The following CRB1 variants were observed in gnomAD, a reference collection of about 807,000 sequenced individuals.
The protein encoded by CRB1 is crumbs cell polarity complex component 1.
Under a neutral mutation model 120.0 loss-of-function variants are expected in CRB1, and 83 were observed. The observed-to-expected ratio is 0.69, with a 90% CI of 0.58 to 0.83. The LOEUF is 0.83. CRB1 is among the 40% of genes least tolerant of loss of function. CRB1 has a pLI of 0.00. For synonymous variants in CRB1, 625 were observed against 612.5 expected (o/e 1.02, Z -0.30); for missense variants, 1,699 against 1,687.6 (o/e 1.01, Z -0.12).
chr1:197,433,428 T>C (rs1030295539), intron 8 of CRB1, among the ~76,000 whole-genome samples: 2 of 152,126 alleles, frequency 1.3e-5, no homozygotes, highest in African/African-American at 4.8e-5. Flanking sequence ...AAGTAGATAA[T>C]TGGCCACTGC....
At chr1:197,324,650 A>G (rs1250771404) in intron 1 of CRB1, among the ~76,000 whole-genome samples, 1 of 152,194 alleles carries the variant, frequency 6.6e-6, no homozygotes, top group Non-Finnish European at 1.5e-5. Flanking sequence ...TGTTATCTTG[A>G]TAAAACTCAT....
At chr1:197,207,211 T>G in the CRB1 span, among the ~76,000 whole-genome samples, 1 of 152,142 alleles carries the variant, frequency 6.6e-6, no homozygotes, top group South Asian at 2.1e-4. Flanking sequence ...CCGTTTACAT[T>G]CAACATTACT....
At chr1:197,448,934 G>T (rs1026328932) in intron 11 of CRB1, among the ~76,000 whole-genome samples, 2 of 152,216 alleles carry the variant, frequency 1.3e-5, no homozygotes, top group African/African-American at 4.8e-5. Flanking sequence ...ATCTTGAGAA[G>T]AAATTATATT....
chr1:197,409,131 A>G (rs1663567387), intron 5 of CRB1, among the ~76,000 whole-genome samples: 1 of 152,182 alleles, frequency 6.6e-6, no homozygotes, highest in East Asian at 1.9e-4. Context: ...GAGAGTGTGT[A>G]TATGTATCTC....
intron 11 of CRB1, among the ~76,000 whole-genome samples, chr1:197,469,317 C>T (rs144233673): frequency 4.8e-4 from 73 of 152,260 alleles, no homozygotes; most frequent in African/African-American, 6.7e-4. Flanking sequence ...CACGTAAGTA[C>T]GGTCATTTTT....
chr1:197,474,612 G>A (rs1295110015), intron 11 of CRB1, among the ~76,000 whole-genome samples: 1 of 152,130 alleles, frequency 6.6e-6, no homozygotes, highest in Admixed American at 6.6e-5. Context: ...TAGCAGATGA[G>A]AGGATCTGGG....
rs558234588 is a variant in CRB1, at chr1:197,405,045, G to GCCCTCTCCCTCTCCCTCT, written c.1172-15939_1172-15922dup. On this transcript the variant is annotated intron_variant, in intron 5 of 11. Transcript: ENST00000367400. Reference sequence around the variant, plus strand: ...TATTGTTAATAATGTGCTCGCCCTCGCCCTCTCCCTCTCCCTCTCCCTCTC... The same window carrying GCCCTCTCCCTCTCCCTCT: ...TATTGTTAATAATGTGCTCGCCCTCGCCCTCTCCCTCTCCCTCTCCCTCTCCCTCTCCCTCTCCCTCTC... Among the ~76,000 whole-genome samples the GCCCTCTCCCTCTCCCTCT allele has an allele frequency of 4.0e-4, 58 of 145,272 alleles. No individual in the cohort carries two copies. The East Asian group carries it at 7.9e-3, about 20-fold the overall frequency.
At chr1:197,288,560 T>G (rs1655971448) in intron 1 of CRB1, among the ~76,000 whole-genome samples, 1 of 151,814 alleles carries the variant, frequency 6.6e-6, no homozygotes, top group Admixed American at 6.6e-5. Context: ...ATGTTAGAAT[T>G]ACCAGATAAG....
chr1:197,227,082 C>A, the CRB1 span, among the ~76,000 whole-genome samples: 1 of 152,096 alleles, frequency 6.6e-6, no homozygotes, highest in Non-Finnish European at 1.5e-5. Context: ...CCATCCTTGA[C>A]CCCTCCAAAT....
At chr1:197,244,669 G>T in the CRB1 span, among the ~76,000 whole-genome samples, 1 of 151,554 alleles carries the variant, frequency 6.6e-6, no homozygotes, top group Admixed American at 6.6e-5. Flanking sequence ...TTTGGTATTT[G>T]TTCACCTTCT....
At chr1:197,285,488 C>T (rs919925839) in intron 1 of CRB1, among the ~76,000 whole-genome samples, 6 of 151,868 alleles carry the variant, frequency 4.0e-5, no homozygotes, top group Non-Finnish European at 7.4e-5. Flanking sequence ...ACTTATAAAG[C>T]CTCTCTGCCT....
chr1:197,463,018 G>A (rs1179578611), intron 11 of CRB1, among the ~76,000 whole-genome samples: 1 of 152,114 alleles, frequency 6.6e-6, no homozygotes, highest in African/African-American at 2.4e-5. Flanking sequence ...CACTGAAACA[G>A]CTACCTTCTT....
intron 5 of CRB1, among the ~76,000 whole-genome samples, chr1:197,385,308 A>G (rs1056782015): frequency 2.6e-5 from 4 of 152,202 alleles, no homozygotes; most frequent in African/African-American, 9.6e-5. Context: ...CCAAAACAAT[A>G]TATCTTTAAA....
At chr1:197,415,716 C>A (rs1430756698) in intron 5 of CRB1, among the ~76,000 whole-genome samples, 2 of 138,120 alleles carry the variant, frequency 1.4e-5, no homozygotes, top group Non-Finnish European at 3.1e-5. Context: ...GATCTCGGCT[C>A]ACTGCGAGCT....
intron 5 of CRB1, among the ~76,000 whole-genome samples, chr1:197,362,151 CTT>C (rs896311592): frequency 4.6e-5 from 7 of 151,840 alleles, no homozygotes; most frequent in African/African-American, 1.5e-4. Flanking sequence ...AAATTTTTCT[CTT>C]GTCTTTCTGT....
At chr1:197,464,979 G>A (rs946339464) in intron 11 of CRB1, among the ~76,000 whole-genome samples, 1 of 152,206 alleles carries the variant, frequency 6.6e-6, no homozygotes, top group African/African-American at 2.4e-5. Context: ...CAAAGGAACA[G>A]AGTTCTTGTC....
intron 2 of CRB1, among the ~76,000 whole-genome samples, chr1:197,343,707 T>C (rs1422427169): frequency 6.6e-6 from 1 of 152,248 alleles, no homozygotes; most frequent in South Asian, 2.1e-4. Flanking sequence ...AAATACTTAG[T>C]ATGTATCAGG....
chr1:197,398,782 G>A (rs568264883), intron 5 of CRB1, among the ~76,000 whole-genome samples: 2 of 152,114 alleles, frequency 1.3e-5, no homozygotes, highest in East Asian at 1.9e-4. Context: ...CCCAGGGAAG[G>A]AGTAGAGGCA....
upstream of CRB1, among the ~76,000 whole-genome samples, chr1:197,264,645 A>ACTCTGTCG (rs1654592022): frequency 1.5e-5 from 2 of 137,520 alleles, no homozygotes; most frequent in African/African-American, 5.5e-5. Flanking sequence ...ACAAAGTCTC[A>ACTCTGTCG]CTCTGTCGCT....
Sources: gnomAD v4.1 joint callset for allele counts (sites outside exome capture counted in the v4.1 genomes callset) on GRCh38, gnomAD v4.1.1 for gene constraint, MANE v1.5 for transcripts, NCBI Gene and HGNC (gene_info 2026-07-23, HGNC 2026-07-21) for gene names.